EVC2: variants seen among roughly 807,000 people sequenced by gnomAD.
EVC2 encodes the protein limbin.
A neutral mutation model predicts 149.3 loss-of-function variants in EVC2; 148 were observed. That is an observed-to-expected ratio of 0.99 (90% CI 0.87 to 1.14). The LOEUF (loss-of-function observed/expected upper bound fraction) is 1.14. Among genes scored for constraint, EVC2 ranks in the 50% most tolerant of loss-of-function variants. The probability of loss-of-function intolerance (pLI) is 0.00; values close to 1 mark genes in which losing one functional copy is unlikely to be tolerated. For missense variants in EVC2, 1,854 were observed against 1,627.3 expected, an observed-to-expected ratio of 1.14 and a Z score of -2.40; for synonymous variants, 776 against 649.9, an observed-to-expected ratio of 1.19 and a Z score of -2.95.
At chr4:5,697,171 G>A (rs554323605) in intron 2 of EVC2, among the ~76,000 whole-genome samples, 2 of 152,336 alleles carry the variant, frequency 1.3e-5, no homozygotes, top group Admixed American at 1.3e-4. Flanking sequence ...AACCTCCAGA[G>A]GGAGCAGACA....
At chr4:5,538,063 G>GA (rs34937866), downstream of EVC2, among the ~76,000 whole-genome samples, 6,172 of 112,202 alleles carry the variant, frequency 0.055, 175 homozygotes, top group African/African-American at 0.1. Context: ...GAAAGAAATA[G>GA]AAAAAAAAAA....
chr4:5,556,761 T>C lies in EVC2; in HGVS notation c.3419+8497A>G, dbSNP rs560755347. Among the ~76,000 whole-genome samples the C allele has an allele frequency of 3.3e-5, 5 of 152,220 alleles. No homozygotes were observed. The East Asian group carries it at 7.7e-4, about 23-fold the overall frequency. ...AATGAAAGAGCAGTCTCACTACTGA[T>C]CCCATGGACAGTAAAAGCATCATAA... On this transcript the variant is annotated intron_variant and NMD_transcript_variant, in intron 21 of 22. Coordinates refer to the EVC2 transcript ENST00000475313.
intron 21 of EVC2, among the ~76,000 whole-genome samples, chr4:5,552,698 C>T (rs536410087): frequency 1.3e-5 from 2 of 152,168 alleles, no homozygotes; most frequent in African/African-American, 2.4e-5. Context: ...TTTAAGGCTG[C>T]AGATCAAGCA....
rs762375976 is a variant in EVC2, at chr4:5,694,374, C to G, written c.411G>C (p.Lys137Asn). The G allele has an allele frequency of 5.0e-6, 8 of 1,614,106 alleles. No individual in the cohort carries two copies. The South Asian group carries it at 6.6e-5, about 13-fold the overall frequency. Reference protein sequence around the residue: ...LFAFIPSWPKKNLFKRESPIT... With the variant: ...LFAFIPSWPKNNLFKRESPIT... ...TAGGAGACTCTCTTTTAAATAAGTT[C>G]TTCTTAGGCCAGGAGGGTATAAAAG... Residue 137 changes from lysine (K) to asparagine (N), a missense_variant, in exon 3 of 22, where the codon AAG (lysine) becomes AAC (asparagine). Transcript: ENST00000344408.
intron 6 of EVC2, among the ~76,000 whole-genome samples, chr4:5,683,868 A>C (rs1720514360): frequency 6.6e-6 from 1 of 151,380 alleles, no homozygotes; most frequent in Admixed American, 6.6e-5. Flanking sequence ...AGGAACACGC[A>C]CAGCTGCCCG....
intron 9 of EVC2, among the ~76,000 whole-genome samples, chr4:5,643,311 G>C (rs556197430): frequency 7.2e-4 from 110 of 152,324 alleles, no homozygotes; most frequent in African/African-American, 2.6e-3. Context: ...AGCATGAAAA[G>C]TTGAGACCAA....
At chr4:5,529,011 G>A in the EVC2 span, among the ~76,000 whole-genome samples, 1 of 151,126 alleles carries the variant, frequency 6.6e-6, no homozygotes, top group Non-Finnish European at 1.5e-5. This position sits in a 1 kb window ranked among gnomAD's most constrained non-coding sequence, Gnocchi z 4.5. Context: ...TAACTTACTA[G>A]TCGTACAAGG....
rs750877790 is a variant in EVC2 at position 5,574,778 on chromosome 4, G to T, written c.3273-6C>A. The T allele has an allele frequency of 9.9e-6, 16 of 1,613,992 alleles. No individual in the cohort carries two copies. The highest frequency in any genetic ancestry group is 1.4e-5 in the Non-Finnish European group (16 of 1,179,874). On this transcript the variant is annotated splice_region_variant and splice_polypyrimidine_tract_variant and intron_variant, in intron 18 of 21. Coordinates refer to ENST00000344408, the MANE Select transcript of EVC2 (RefSeq NM_147127.5). Reference sequence around the variant, plus strand: ...TCTGTTGTTCCTCTCTCAAACTGGAGTGAAAATAAAATATACGTAAGTTCA... The same window carrying T: ...TCTGTTGTTCCTCTCTCAAACTGGATTGAAAATAAAATATACGTAAGTTCA...
At position 5,625,976 on chromosome 4, in the gene EVC2, G is replaced by A; in HGVS notation, c.1887-68C>T. The A allele has an allele frequency of 6.3e-7, 1 of 1,578,634 alleles. No homozygotes were observed. Among genetic ancestry groups the A allele is most frequent in the Non-Finnish European group, 8.7e-7 (1 of 1,151,974 alleles). On this transcript the variant is annotated intron_variant, in intron 12 of 21. Coordinates refer to ENST00000344408, the MANE Select transcript of EVC2 (RefSeq NM_147127.5). The surrounding 1 kb of genome is among the most constrained non-coding windows in gnomAD (Gnocchi z 4.0). The stretch of plus-strand genomic sequence containing the variant: ...TCACCTGTAGCTTAACTGCTATTGT[G>A]CCTGAACATTCATCTCCATATTAGT...
intron 3 of EVC2, among the ~76,000 whole-genome samples, chr4:5,694,014 T>C (rs370264903): frequency 6.6e-5 from 10 of 152,232 alleles, no homozygotes; most frequent in African/African-American, 1.9e-4. Flanking sequence ...TTCACTGCTA[T>C]TATGGGCACA....
intron 5 of EVC2, among the ~76,000 whole-genome samples, chr4:5,688,589 C>T (rs1720882547): frequency 6.6e-6 from 1 of 152,194 alleles, no homozygotes; most frequent in South Asian, 2.1e-4. Context: ...TAACAGCCCA[C>T]CTCAGGAAAC....
At chr4:5,655,681 G>A (rs1718472902) in intron 9 of EVC2, among the ~76,000 whole-genome samples, 1 of 150,442 alleles carries the variant, frequency 6.6e-6, no homozygotes, top group Non-Finnish European at 1.5e-5. Flanking sequence ...CTCAGAGGCA[G>A]AGCACGCACA....
Position 5,562,716 on chromosome 4 carries a change from G to T in EVC2, c.*132C>A. 6.4e-7 allele frequency: 1 copy of T among 1,567,330 alleles called. No homozygotes were observed. The highest frequency in any genetic ancestry group is 8.6e-7 in the Non-Finnish European group (1 of 1,164,940). On this transcript the variant is annotated 3_prime_UTR_variant, in exon 22 of 22. Transcript: ENST00000344408. This position sits in a 1 kb window ranked among gnomAD's most constrained non-coding sequence, Gnocchi z 4.3. ...ACCGAGTCCCTGCAAGTTGGCATGC[G>T]CTACGGGGTCTGTGCCTTCTGCATG...
At chr4:5,542,061 C>T (rs1247298424), downstream of EVC2, among the ~76,000 whole-genome samples, 1 of 152,164 alleles carries the variant, frequency 6.6e-6, no homozygotes, top group Non-Finnish European at 1.5e-5. Flanking sequence ...AGAGAGCCAG[C>T]TAGCCCTTCC....
chr4:5,531,283 T>C, the EVC2 span, among the ~76,000 whole-genome samples: 1 of 152,198 alleles, frequency 6.6e-6, no homozygotes, highest in African/African-American at 2.4e-5. Context: ...TGTGTATATA[T>C]GGTCCTCCCT....
exon 22 of EVC2, chr4:5,543,205 T>G (rs889447418): frequency 4.4e-5 from 57 of 1,289,676 alleles, no homozygotes; most frequent in Non-Finnish European, 5.6e-5. Context: ...CTCTCTTGGT[T>G]CCCTGACCTG....
chr4:5,536,741 G>A, the EVC2 span, among the ~76,000 whole-genome samples: 32 of 151,248 alleles, frequency 2.1e-4, 1 homozygote, highest in East Asian at 4.7e-3. Context: ...CAGAGATCAC[G>A]CCACTGCACT....
chr4:5,694,764 A>G (rs7679320), intron 2 of EVC2, among the ~76,000 whole-genome samples: 240 of 152,316 alleles, frequency 1.6e-3, no homozygotes, highest in African/African-American at 5.5e-3. Context: ...TAGGAATCAG[A>G]ACTGCTGGGC....
intron 7 of EVC2, among the ~76,000 whole-genome samples, chr4:5,667,603 A>G (rs1047278550): frequency 1.3e-5 from 2 of 152,198 alleles, no homozygotes; most frequent in Non-Finnish European, 2.9e-5. Flanking sequence ...GACACAAAGC[A>G]AAGTCAGAAA....
Sources: allele counts gnomAD v4.1 joint callset (sites outside exome capture counted in the v4.1 genomes callset), GRCh38; gene constraint gnomAD v4.1.1; non-coding constraint Gnocchi (gnomAD v3.1); transcripts MANE v1.5; gene names NCBI Gene and HGNC (gene_info 2026-07-23, HGNC 2026-07-21).